TRPM3: variants seen among roughly 807,000 people sequenced by gnomAD.
TRPM3 encodes the protein long transient receptor potential channel 3.
A neutral mutation model predicts 181.2 loss-of-function variants in TRPM3; 77 were observed. The observed-to-expected ratio is 0.42, with a 90% CI of 0.35 to 0.51. The LOEUF is 0.51. Ranked by LOEUF, TRPM3 falls within the 20% of genes least tolerant of loss-of-function variation. The pLI, the probability that TRPM3 is intolerant of heterozygous loss-of-function variation, is 0.01. For synonymous variants in TRPM3, 745 were observed against 796.4 expected (o/e 0.94, Z 1.09); for missense variants, 1,759 against 2,196.7 (o/e 0.80, Z 3.98).
At chr9:70,948,646 GTC>G (rs2096962361) in intron 1 of TRPM3, among the ~76,000 whole-genome samples, 1 of 152,140 alleles carries the variant, frequency 6.6e-6, no homozygotes, top group Non-Finnish European at 1.5e-5. Flanking sequence ...AAACATCTCT[GTC>G]ATTAGGAATT....
rs753108130 is a variant in TRPM3 at position 70,846,362 on chromosome 9, T to C, written c.676+16A>G. On this transcript the variant is annotated intron_variant, in intron 4 of 25. Transcript: ENST00000677713. ...CCATGGCCTATGTTGACTTTCTCTG[T>C]TCCACTTGCAATTACCTGTGTTAAC... 6.2e-6 allele frequency: 10 copies of C among 1,609,728 alleles called. No individual in the cohort carries two copies. The African/African-American group carries it at 1.2e-4, about 19-fold the overall frequency.
intron 1 of TRPM3, among the ~76,000 whole-genome samples, chr9:71,109,622 C>T (rs2070584711): frequency 6.6e-6 from 1 of 151,868 alleles, no homozygotes; most frequent in East Asian, 1.9e-4. Flanking sequence ...GAGAATTGGC[C>T]GTTTCATTCT....
At chr9:71,275,844 A>AT (rs1565410853) in intron 1 of TRPM3, among the ~76,000 whole-genome samples, 5 of 118,248 alleles carry the variant, frequency 4.2e-5, no homozygotes, top group African/African-American at 1.7e-4. Context: ...GAAAGAAGGA[A>AT]CTTTTTTTTT....
intron 19 of TRPM3, among the ~76,000 whole-genome samples, chr9:70,604,474 T>C (rs2060640102): frequency 6.6e-6 from 1 of 152,196 alleles, no homozygotes; most frequent in Admixed American, 6.5e-5. Context: ...GTTTATTAAC[T>C]AAAATCTGCT....
chr9:70,827,779 GTACT>G (rs1564475710), intron 6 of TRPM3, 64 bp downstream of exon 6: 2 of 1,529,876 alleles, frequency 1.3e-6, no homozygotes, highest in East Asian at 4.5e-5. Context: ...GCTGCATGGT[GTACT>G]TAAAGTTATT....
In TRPM3 at chr9:70,603,346, CTCA is replaced by C; in HGVS notation, c.2789_2791del (p.Met930del). 3.1e-6 allele frequency: 5 copies of C among 1,612,890 alleles called. No homozygotes were observed. Among genetic ancestry groups the C allele is most frequent in the Non-Finnish European group, 4.2e-6 (5 of 1,179,568 alleles). On this transcript the variant is annotated inframe_deletion, in exon 20 of 26. Coordinates refer to ENST00000677713, the MANE Select transcript of TRPM3 (RefSeq NM_001366145.2). ...TTCTTTTATAAAAGCCGTTACCTCTCTCATCTTTTCTATTCCCAGGGTGAAAAT... is the reference window on the plus strand; with the variant it reads ...TTCTTTTATAAAAGCCGTTACCTCTCTCTTTTCTATTCCCAGGGTGAAAAT...
At chr9:70,611,196 C>CTAA (rs2061945681) in intron 18 of TRPM3, among the ~76,000 whole-genome samples, 2 of 152,126 alleles carry the variant, frequency 1.3e-5, no homozygotes, top group South Asian at 4.1e-4. Flanking sequence ...ACCAGCATAC[C>CTAA]TAATTTATCC....
At chr9:71,077,389 T>A (rs577280764) in intron 1 of TRPM3, among the ~76,000 whole-genome samples, 13 of 152,334 alleles carry the variant, frequency 8.5e-5, no homozygotes, top group Non-Finnish European at 1.5e-4. Context: ...ACTCTTTCTC[T>A]AAGCTTCATC....
intron 9 of TRPM3, among the ~76,000 whole-genome samples, chr9:70,653,592 C>T (rs1358483892): frequency 6.7e-6 from 1 of 150,090 alleles, no homozygotes; most frequent in Non-Finnish European, 1.5e-5. Flanking sequence ...GCTAAAATTC[C>T]TCACAGCTGC....
rs140092317 is a variant in TRPM3, at chr9:70,529,541, G to C, written c.*6412C>G. ...CAGACGCAGTAGTGACAGGAAGCAG[G>C]TAAGTCTTCATACCATGCTATGGTA... On this transcript the variant is annotated 3_prime_UTR_variant, in exon 26 of 26. Coordinates refer to ENST00000677713, the MANE Select transcript of TRPM3 (RefSeq NM_001366145.2). The C allele has an allele frequency of 6.6e-6, 1 of 152,288 alleles. No individual in the cohort carries two copies. The highest frequency in any genetic ancestry group is 2.4e-5 in the African/African-American group (1 of 41,540). 9.4% of individuals were successfully genotyped at this position (152,288 alleles called of 1,614,324 possible).
At chr9:71,266,317 AT>A (rs1252058510) in intron 1 of TRPM3, among the ~76,000 whole-genome samples, 5 of 152,102 alleles carry the variant, frequency 3.3e-5, no homozygotes, top group Admixed American at 2.6e-4. Context: ...GTTGTGAGTA[AT>A]TTTTATATCA....
At chr9:70,821,523 T>A (rs893490435) in intron 6 of TRPM3, among the ~76,000 whole-genome samples, 1 of 152,246 alleles carries the variant, frequency 6.6e-6, no homozygotes, top group East Asian at 1.9e-4. Flanking sequence ...AGCTACTATG[T>A]TTCCAGCAAT....
chr9:70,650,361 C>G (rs1238924776), intron 9 of TRPM3, among the ~76,000 whole-genome samples: 1 of 152,056 alleles, frequency 6.6e-6, no homozygotes, highest in African/African-American at 2.4e-5. Context: ...CAATTTTTCC[C>G]CTCATAAAAG....
At chr9:70,925,128 T>C (rs1025987748) in intron 1 of TRPM3, among the ~76,000 whole-genome samples, 1 of 152,186 alleles carries the variant, frequency 6.6e-6, no homozygotes, top group Admixed American at 6.6e-5. Context: ...TACCTGCCCC[T>C]TTCCAGCAGA....
At chr9:71,143,831 C>A (rs1277342921) in intron 1 of TRPM3, among the ~76,000 whole-genome samples, 2 of 152,102 alleles carry the variant, frequency 1.3e-5, no homozygotes, top group African/African-American at 4.8e-5. Context: ...TCTTTTTTCT[C>A]CCTAACCTCA....
chr9:71,383,224 A>G (rs1244216531), intron 1 of TRPM3, among the ~76,000 whole-genome samples: 1 of 152,146 alleles, frequency 6.6e-6, no homozygotes, highest in African/African-American at 2.4e-5. Context: ...ATGTACATGT[A>G]TATGTGTGTT....
chr9:70,891,035 G>C (rs117430820), intron 1 of TRPM3, among the ~76,000 whole-genome samples: 4,299 of 152,142 alleles, frequency 0.028, 119 homozygotes, highest in East Asian at 0.12. Flanking sequence ...GTGGGGAGAG[G>C]GGGGAGGGAT....
intron 1 of TRPM3, among the ~76,000 whole-genome samples, chr9:71,416,918 A>T (rs2093644752): frequency 6.6e-6 from 1 of 151,992 alleles, no homozygotes; most frequent in Non-Finnish European, 1.5e-5. Flanking sequence ...TATAAATAGA[A>T]TCATACAATA....
At chr9:71,240,245 T>C (rs2081586662) in intron 1 of TRPM3, among the ~76,000 whole-genome samples, 1 of 152,180 alleles carries the variant, frequency 6.6e-6, no homozygotes, top group South Asian at 2.1e-4. Context: ...ATTTTTTATT[T>C]TAACATTGAA....
Sources: allele counts gnomAD v4.1 joint callset (sites outside exome capture counted in the v4.1 genomes callset), GRCh38; gene constraint gnomAD v4.1.1; transcripts MANE v1.5; gene names NCBI Gene and HGNC (gene_info 2026-07-23, HGNC 2026-07-21).